ATAD2: variants seen among roughly 807,000 people sequenced by gnomAD.
The protein encoded by ATAD2 is ATPase family AAA domain containing 2, also known as ATPase family AAA domain-containing protein 2.
A neutral mutation model predicts 168.9 loss-of-function variants in ATAD2; 62 were observed. The ratio of observed to expected loss-of-function variants is 0.37; its 90% CI spans 0.30 to 0.45. The LOEUF (loss-of-function observed/expected upper bound fraction) is 0.45. ATAD2 is among the 20% of genes least tolerant of loss of function. ATAD2 has a pLI of 1.00. For synonymous variants in ATAD2, 613 were observed against 571.6 expected (o/e 1.07, Z -1.03); for missense variants, 1,419 against 1,667.8 (o/e 0.85, Z 2.60).
chr8:123,390,464 G>A (rs1328041505), intron 1 of ATAD2, among the ~76,000 whole-genome samples: 3 of 152,078 alleles, frequency 2.0e-5, no homozygotes, highest in Admixed American at 6.6e-5. Context: ...GAACTGCCAT[G>A]TCACCCAATT....
chr8:123,357,460 G>C, intron 12 of ATAD2, 102 bp downstream of exon 12: 1 of 1,111,838 alleles, frequency 9.0e-7, no homozygotes, highest in Admixed American at 3.4e-5. Flanking sequence ...AATTCTTCTG[G>C]GTTTATTTAG....
At chr8:123,360,209 A>C (rs1204733130) in intron 9 of ATAD2, among the ~76,000 whole-genome samples, 1 of 152,222 alleles carries the variant, frequency 6.6e-6, no homozygotes, top group African/African-American at 2.4e-5. Flanking sequence ...ATCAAACACA[A>C]GTGGTCTGTC....
rs557321576 is a variant in ATAD2 at position 123,361,465 on chromosome 8, A to G, written c.1157+74T>C. 5.5e-6 allele frequency: 7 copies of G among 1,277,858 alleles called. No individual in the cohort carries two copies. The East Asian group carries it at 1.7e-4, about 30-fold the overall frequency. 79.2% of individuals were successfully genotyped at this position (1,277,858 alleles called of 1,614,324 possible). ...AATCAGCCAGCCTATACTTATACCC[A>G]AATTATTCTGTTTTCTTAGCAATTT... On this transcript the variant is annotated intron_variant, in intron 9 of 27. Transcript: ENST00000287394.
chr8:123,390,098 C>T (rs1829784956), intron 1 of ATAD2, among the ~76,000 whole-genome samples: 2 of 150,830 alleles, frequency 1.3e-5, no homozygotes, highest in Admixed American at 1.3e-4. Context: ...CCTGCCTCAG[C>T]CTCCCCGGCA....
At chr8:123,322,876 A>G (rs991901487) in intron 27 of ATAD2, 62 bp downstream of exon 27, 37 of 1,517,516 alleles carry the variant, frequency 2.4e-5, no homozygotes, top group Non-Finnish European at 9.9e-6. Context: ...ACAATCCTAC[A>G]TAAGTGATAT....
intron 24 of ATAD2, among the ~76,000 whole-genome samples, chr8:123,332,923 C>G (rs546874176): frequency 6.6e-6 from 1 of 152,114 alleles, no homozygotes; most frequent in East Asian, 1.9e-4. Flanking sequence ...ATTTTCTTCT[C>G]TTATCTTTCC....
rs1389858597 is a variant in ATAD2 at position 123,361,436 on chromosome 8, T to G, written c.1157+103A>C. The G allele has an allele frequency of 3.5e-6, 3 of 864,840 alleles. No individual in the cohort carries two copies. The East Asian group carries it at 7.6e-5, about 22-fold the overall frequency. 53.6% of individuals were successfully genotyped at this position (864,840 alleles called of 1,614,324 possible). A position where few individuals can be genotyped will look rare whatever the true frequency, so the allele number is the denominator to read the frequency against. ...TTATACATTAACCTGTTGTGCAACTTTTTAATCAGCCAGCCTATACTTATA... is the reference window on the plus strand; with the variant it reads ...TTATACATTAACCTGTTGTGCAACTGTTTAATCAGCCAGCCTATACTTATA... On this transcript the variant is annotated intron_variant, in intron 9 of 27. Coordinates refer to ENST00000287394, the MANE Select transcript of ATAD2 (RefSeq NM_014109.4).
At chr8:123,386,704 T>C (rs753407003) in intron 1 of ATAD2, among the ~76,000 whole-genome samples, 44 of 152,098 alleles carry the variant, frequency 2.9e-4, no homozygotes, top group Non-Finnish European at 5.9e-4. Context: ...AAATAAATGC[T>C]ACCATATTCC....
chr8:123,375,155 TGATGTTA>T (rs1291941859), intron 2 of ATAD2, among the ~76,000 whole-genome samples: 1 of 152,226 alleles, frequency 6.6e-6, no homozygotes, highest in Non-Finnish European at 1.5e-5. Flanking sequence ...AAACAGACAC[TGATGTTA>T]CCATTACGTA....
chr8:123,340,577 C>T (rs1413012435), intron 19 of ATAD2, among the ~76,000 whole-genome samples: 2 of 152,104 alleles, frequency 1.3e-5, no homozygotes, highest in Non-Finnish European at 2.9e-5. Context: ...CGTCTGTCAC[C>T]AGATGAATGG....
At chr8:123,401,901 C>T in intron 1 of ATAD2, 1 of 769,564 alleles carries the variant, frequency 1.3e-6, no homozygotes. Flanking sequence ...GTCTCGGGCT[C>T]CATCCAGGAC....
intron 3 of ATAD2, 30 bp from the exon 4 acceptor site, chr8:123,371,865 G>T: frequency 1.4e-6 from 2 of 1,476,058 alleles, no homozygotes; most frequent in Non-Finnish European, 1.8e-6. Flanking sequence ...AAAATAAATA[G>T]AAACATTTGA....
rs200585973 is a variant in ATAD2, at chr8:123,337,805, C to G, written c.2871G>C (p.Glu957Asp). ...SKKKAVLQAL[E>D]VLPVAPPPEP... ...CAGGTGGTGGTGCTACTGGGAGTAC[C>G]TCCAAAGCCTGCAAAACTTCACATG... The change falls in exon 21 of 28, where the codon GAG becomes GAC. Residue 957 changes from glutamate to aspartate, a missense_variant. By Grantham distance (45) the Glu-to-Asp change is conservative. This residue lies in a region of ATAD2 where 545 missense variants were observed against 724.9 expected (regional missense o/e 0.75). Coordinates refer to ENST00000287394, the MANE Select transcript of ATAD2 (RefSeq NM_014109.4). 1.3e-6 allele frequency: 2 copies of G among 1,598,010 alleles called. No individual in the cohort carries two copies. Among genetic ancestry groups the G allele is most frequent in the Non-Finnish European group, 1.7e-6 (2 of 1,174,536 alleles).
intron 1 of ATAD2, among the ~76,000 whole-genome samples, chr8:123,383,118 T>G (rs968627200): frequency 8.5e-5 from 13 of 152,248 alleles, no homozygotes; most frequent in African/African-American, 2.6e-4. Flanking sequence ...CACTGCATGT[T>G]CTCACTCATA....
At chr8:123,370,064 CAAA>C (rs1447760086) in intron 6 of ATAD2, 40 bp from the exon 7 acceptor site, 1 of 1,538,432 alleles carries the variant, frequency 6.5e-7, no homozygotes, top group East Asian at 2.4e-5. Context: ...AGATACTCAG[CAAA>C]ATGTTAACAA....
rs191236215 is a variant in ATAD2 at position 123,353,276 on chromosome 8, A to G, written c.1646+3113T>C. 1.3e-3 allele frequency among the ~76,000 whole-genome samples: 205 copies of G among 152,076 alleles called. 2 individuals are homozygous for G. The highest frequency in any genetic ancestry group is 2.2e-3 in the Non-Finnish European group (151 of 67,980). ...CTACTGGGGAGGCTGAGGCACGAGA[A>G]TAGCTTGAACCTGGGAGGTGGAGGT... On this transcript the variant is annotated intron_variant, in intron 13 of 27. Transcript: ENST00000287394.
upstream of ATAD2, among the ~76,000 whole-genome samples, chr8:123,398,788 G>C (rs1812960259): frequency 6.6e-6 from 1 of 151,318 alleles, no homozygotes; most frequent in African/African-American, 2.4e-5. Flanking sequence ...ACAGGTGTGA[G>C]CCACCATGCC....
At chr8:123,334,836 G>A (rs767999950) in intron 22 of ATAD2, among the ~76,000 whole-genome samples, 22 of 152,232 alleles carry the variant, frequency 1.4e-4, no homozygotes, top group Non-Finnish European at 2.6e-4. Context: ...GACGGAATAA[G>A]TGAATGCAGG....
intron 19 of ATAD2, 170 bp downstream of exon 19, chr8:123,344,714 C>G (rs74448309): frequency 1.4e-6 from 1 of 692,856 alleles, no homozygotes; most frequent in Non-Finnish European, 2.4e-6. Context: ...ATACATATAC[C>G]ATCTTGCCCA....
Sources: allele counts gnomAD v4.1 joint callset (sites outside exome capture counted in the v4.1 genomes callset), GRCh38; gene constraint gnomAD v4.1.1; regional missense constraint gnomAD v4.1.1; transcripts MANE v1.5; gene names NCBI Gene and HGNC (gene_info 2026-07-23, HGNC 2026-07-21).